The following CACNA2D2 variants were observed in gnomAD, a reference collection of about 807,000 sequenced individuals.
CACNA2D2 encodes the protein voltage-dependent calcium channel subunit alpha-2/delta-2.
CACNA2D2 carries 48 observed loss-of-function variants against 166.4 expected under a neutral mutation model. The observed-to-expected ratio is 0.29, with a 90% confidence interval of 0.23 to 0.37. CACNA2D2 has a LOEUF of 0.37. Ranked by LOEUF, CACNA2D2 falls within the 10% of genes least tolerant of loss-of-function variation. CACNA2D2 has a pLI of 1.00. For synonymous variants in CACNA2D2, 561 were observed against 573.7 expected, an observed-to-expected ratio of 0.98 and a Z score of 0.32; for missense variants, 1,122 against 1,433.0, an observed-to-expected ratio of 0.78 and a Z score of 3.50.
At chr3:50,457,745 T>A (rs984102606) in intron 2 of CACNA2D2, among the ~76,000 whole-genome samples, 5 of 152,232 alleles carry the variant, frequency 3.3e-5, no homozygotes, top group Admixed American at 6.5e-5. Context: ...CTTTTATATA[T>A]GAAGAAACAA....
chr3:50,425,859 G>A (rs1707784217), intron 3 of CACNA2D2, among the ~76,000 whole-genome samples: 1 of 152,108 alleles, frequency 6.6e-6, no homozygotes, highest in African/African-American at 2.4e-5. Flanking sequence ...CTCTCCTCTG[G>A]TGGTGAGGTG....
At chr3:50,467,036 T>A (rs1021365112) in intron 2 of CACNA2D2, among the ~76,000 whole-genome samples, 1 of 151,976 alleles carries the variant, frequency 6.6e-6, no homozygotes, top group Non-Finnish European at 1.5e-5. Context: ...GTGTGGCAAG[T>A]GGACTTGAAG....
chr3:50,456,793 G>T (rs920643335), intron 2 of CACNA2D2, among the ~76,000 whole-genome samples: 1 of 152,180 alleles, frequency 6.6e-6, no homozygotes, highest in Non-Finnish European at 1.5e-5. Context: ...GGAGGGGAAG[G>T]TCATGCATAT....
In CACNA2D2 at chr3:50,363,280, C is replaced by T. The variant is rs191364244; in HGVS notation, c.*1386G>A. 788 of 398,834 alleles carry T rather than the reference C, an allele frequency of 2.0e-3. 10 individuals are homozygous for T. Among genetic ancestry groups the T allele is most frequent in the Admixed American group, 0.019 (442 of 22,728 alleles). The allele number at this position is 398,834 out of a possible 1,614,324, so 24.7% of individuals were successfully genotyped here. ...GGACCACACACACACACTGAGAAAG[C>T]GACAAGCAACATGACATTAATTAAC... On this transcript the variant is annotated 3_prime_UTR_variant, in exon 38 of 38. Coordinates refer to ENST00000424201, the MANE Select transcript of CACNA2D2 (RefSeq NM_006030.4).
In CACNA2D2 at chr3:50,376,559, GCCT is replaced by G. The variant is rs1705007949; in HGVS notation, c.1627-374_1627-372del. On this transcript the variant is annotated intron_variant, in intron 17 of 37. Transcript: ENST00000424201. This position sits in a 1 kb window ranked among gnomAD's most constrained non-coding sequence, Gnocchi z 4.3. ...CTAGCCACTACTGCCCCTGATTTGT[GCCT>G]CCTCCTTGTCCCCACGTCAAGAGAG... is the stretch of plus-strand genomic sequence containing the variant. Among the ~76,000 whole-genome samples, 1 of 152,154 alleles carries G rather than the reference GCCT, an allele frequency of 6.6e-6. No individual in the cohort carries two copies.
intron 2 of CACNA2D2, among the ~76,000 whole-genome samples, chr3:50,436,046 C>T (rs1559946132): frequency 1.3e-5 from 2 of 152,196 alleles, no homozygotes; most frequent in African/African-American, 2.4e-5. Context: ...AGGCAGGGAA[C>T]CTAGAGCCTA....
At chr3:50,502,944 C>T (rs561499828) in intron 1 of CACNA2D2, among the ~76,000 whole-genome samples, 33 of 152,362 alleles carry the variant, frequency 2.2e-4, no homozygotes, top group African/African-American at 7.0e-4. Context: ...CCGCCCCCCC[C>T]CAACTCCTCC....
Position 50,370,239 on chromosome 3 carries a change from G to C in CACNA2D2, c.2045+81C>G, listed in dbSNP as rs1350335775. The C allele has an allele frequency of 5.4e-6, 5 of 932,288 alleles. No individual in the cohort carries two copies. In the East Asian group the frequency reaches 7.9e-5, roughly 15 times the overall value. 57.8% of individuals were successfully genotyped at this position (932,288 alleles called of 1,614,324 possible). On this transcript the variant is annotated intron_variant, in intron 23 of 37. Coordinates refer to ENST00000424201, the MANE Select transcript of CACNA2D2 (RefSeq NM_006030.4). ...ACTGCACAGGACACAGACACACAGAGCTCCAGGCAGCAGTGCAGGAGGTGG... is the reference window on the plus strand; with the variant it reads ...ACTGCACAGGACACAGACACACAGACCTCCAGGCAGCAGTGCAGGAGGTGG...
chr3:50,459,341 A>T (rs1218946138), intron 2 of CACNA2D2, among the ~76,000 whole-genome samples: 1 of 152,106 alleles, frequency 6.6e-6, no homozygotes, highest in Non-Finnish European at 1.5e-5. Flanking sequence ...CTGGGGTGTC[A>T]CTGCTGTCCA....
chr3:50,392,405 AG>A (rs1389966250), intron 4 of CACNA2D2, among the ~76,000 whole-genome samples: 1 of 152,162 alleles, frequency 6.6e-6, no homozygotes, highest in African/African-American at 2.4e-5. Context: ...AGGTGACTAC[AG>A]CCCCACCCAC....
intron 1 of CACNA2D2, among the ~76,000 whole-genome samples, chr3:50,502,342 GCA>G (rs1397477615): frequency 2.0e-5 from 3 of 152,242 alleles, no homozygotes; most frequent in African/African-American, 7.2e-5. Context: ...TAGGGCTGAA[GCA>G]CAGTGTCAGG....
intron 2 of CACNA2D2, among the ~76,000 whole-genome samples, chr3:50,473,219 T>C (rs755480093): frequency 4.6e-5 from 7 of 152,180 alleles, no homozygotes; most frequent in South Asian, 2.1e-4. Flanking sequence ...AACCTGCAAA[T>C]GGGCCAGCCT....
Position 50,411,428 on chromosome 3 carries a change from C to T in CACNA2D2, c.406-17260G>A, listed in dbSNP as rs550346822. Among the ~76,000 whole-genome samples, 66 of 152,250 alleles carry T rather than the reference C, an allele frequency of 4.3e-4. 1 individual carries two copies. Among genetic ancestry groups the T allele is most frequent in the African/African-American group, 1.4e-3 (60 of 41,536 alleles). On this transcript the variant is annotated intron_variant, in intron 3 of 37. Transcript: ENST00000424201. Reference sequence around the variant, plus strand: ...CACCAGAGTGGAGGGGAGGGGCTTCCGCTTGTCTCCATGCTCACTCTCCCC... The same window carrying T: ...CACCAGAGTGGAGGGGAGGGGCTTCTGCTTGTCTCCATGCTCACTCTCCCC...
At chr3:50,388,606 C>CA (rs1705724619) in intron 4 of CACNA2D2, among the ~76,000 whole-genome samples, 1 of 152,218 alleles carries the variant, frequency 6.6e-6, no homozygotes, top group African/African-American at 2.4e-5. Context: ...AGCCAGCACT[C>CA]ACACCACCAG....
rs587694404 is a variant in CACNA2D2 at position 50,375,406 on chromosome 3, C to A, written c.1907+238G>T. On this transcript the variant is annotated intron_variant, in intron 21 of 37. Transcript: ENST00000424201. This position sits in a 1 kb window ranked among gnomAD's most constrained non-coding sequence, Gnocchi z 4.0. Reference sequence around the variant, plus strand: ...AGGCAGGCTGACAGCATGCCAAGGGCAGTATCCTGGGATGAGGAGACTTTG... The same window carrying A: ...AGGCAGGCTGACAGCATGCCAAGGGAAGTATCCTGGGATGAGGAGACTTTG... Among the ~76,000 whole-genome samples the A allele has an allele frequency of 2.7e-4, 41 of 152,338 alleles. No homozygotes were observed. Among genetic ancestry groups the A allele is most frequent in the African/African-American group, 9.1e-4 (38 of 41,566 alleles).
intron 2 of CACNA2D2, among the ~76,000 whole-genome samples, chr3:50,471,287 C>G (rs947189899): frequency 1.3e-5 from 2 of 152,032 alleles, no homozygotes; most frequent in Admixed American, 6.5e-5. Context: ...AGTGCGACAG[C>G]CTGTACCAGT....
chr3:50,445,336 C>A (rs1463733010), intron 2 of CACNA2D2, among the ~76,000 whole-genome samples: 6 of 152,208 alleles, frequency 3.9e-5, no homozygotes, highest in Non-Finnish European at 7.3e-5. Context: ...CTTCTGAGTT[C>A]TTGATGCAGC....
intron 3 of CACNA2D2, among the ~76,000 whole-genome samples, chr3:50,410,497 T>A (rs944519527): frequency 6.7e-6 from 1 of 149,964 alleles, no homozygotes; most frequent in East Asian, 1.9e-4. Context: ...GGGGGTGTTG[T>A]CTTTGTGCCC....
At chr3:50,457,489 T>G (rs991186389) in intron 2 of CACNA2D2, among the ~76,000 whole-genome samples, 12 of 152,182 alleles carry the variant, frequency 7.9e-5, no homozygotes, top group Non-Finnish European at 1.5e-4. Context: ...TCACCCTCTC[T>G]CAGGGGCCAA....
Sources: allele counts gnomAD v4.1 joint callset (sites outside exome capture counted in the v4.1 genomes callset), GRCh38; gene constraint gnomAD v4.1.1; non-coding constraint Gnocchi (gnomAD v3.1); transcripts MANE v1.5; gene names NCBI Gene and HGNC (gene_info 2026-07-23, HGNC 2026-07-21).